Variants in ADAM15 observed in about 807,000 individuals in gnomAD.
ADAM15 encodes the protein ADAM metallopeptidase domain 15.
ADAM15 carries 77 observed loss-of-function variants against 113.8 expected under a neutral mutation model. The ratio of observed to expected loss-of-function variants is 0.68; its 90% CI spans 0.56 to 0.82. The LOEUF (loss-of-function observed/expected upper bound fraction) is 0.82. Among genes scored for constraint, ADAM15 ranks in the 40% least tolerant of loss-of-function variants. The pLI, the probability that ADAM15 is intolerant of heterozygous loss-of-function variation, is 0.00. For missense variants in ADAM15, 963 were observed against 1,120.1 expected (o/e 0.86, Z 2.00); for synonymous variants, 388 against 454.1 (o/e 0.85, Z 1.85).
rs201865223 is a variant in ADAM15, at chr1:155,057,631, C to G, written c.1324-6C>G. On this transcript the variant is annotated splice_region_variant and splice_polypyrimidine_tract_variant and intron_variant, in intron 12 of 22. Coordinates refer to ENST00000356955, the MANE Select transcript of ADAM15 (RefSeq NM_207197.3). This position sits in a 1 kb window ranked among gnomAD's most constrained non-coding sequence, Gnocchi z 5.0. ...TGATGCCCGGCCCCCGTGCTCCTGC[C>G]CACAGGACTGCGTCGATCCCTGCTG... 2.1e-4 allele frequency: 344 copies of G among 1,614,128 alleles called. 1 individual carries two copies. The highest frequency in any genetic ancestry group is 1.9e-3 in the African/African-American group (142 of 75,030).
At position 155,055,846 on chromosome 1, in the gene ADAM15, C is replaced by T. The variant is rs200539947; in HGVS notation, c.669C>T (p.His223=). 1.8e-5 allele frequency: 29 copies of T among 1,614,104 alleles called. No individual in the cohort carries two copies. The highest frequency in any genetic ancestry group is 2.4e-5 in the Non-Finnish European group (28 of 1,180,048). Residue 223 remains histidine, a synonymous_variant, in exon 7 of 23, where the codon CAC becomes CAT. Coordinates refer to ENST00000356955, the MANE Select transcript of ADAM15 (RefSeq NM_207197.3). ...TGGAGTTGGTGATTGTGGCTGATCA[C>T]TCGGAGGTGAGCCTGCTGGCCCCTG... ...KTVELVIVAD[H]SEAQKYRDFQ...
intron 2 of ADAM15, among the ~76,000 whole-genome samples, chr1:155,053,202 C>G (rs963900864): frequency 6.7e-6 from 1 of 148,612 alleles, no homozygotes; most frequent in Non-Finnish European, 1.5e-5. Flanking sequence ...GGCAGGAAGC[C>G]GAGAAGGGGT....
At chr1:155,061,728 C>T in intron 20 of ADAM15, 176 bp from the exon 21 acceptor site, 2 of 837,468 alleles carry the variant, frequency 2.4e-6, no homozygotes. Context: ...GGTTGACCTA[C>T]ACCTTCCTCC....
At position 155,062,519 on chromosome 1, in the gene ADAM15, G is replaced by A. The variant is rs546191993; in HGVS notation, c.*17G>A. On this transcript the variant is annotated 3_prime_UTR_variant, in exon 23 of 23. Coordinates refer to ENST00000356955, the MANE Select transcript of ADAM15 (RefSeq NM_207197.3). This position sits in a 1 kb window ranked among gnomAD's most constrained non-coding sequence, Gnocchi z 7.0. ...TACCTCTGACCTCTCCGGAGGTTCC[G>A]CTGCCTCCAAGCCGGACTTAGGGCT... 9 of 1,611,790 alleles carry A rather than the reference G, an allele frequency of 5.6e-6. No homozygotes were observed. Among genetic ancestry groups the A allele is most frequent in the Non-Finnish European group, 7.6e-6 (9 of 1,179,342 alleles).
At position 155,055,815 on chromosome 1, in the gene ADAM15, A is replaced by G; in HGVS notation, c.638A>G (p.Lys213Arg). The change falls in exon 7 of 23, where the codon AAG becomes AGG. Residue 213 changes from lysine to arginine, a missense_variant. Transcript: ENST00000356955. The stretch of plus-strand genomic sequence containing the variant: ...AGGCGGGATGTGGTAACAGAGACCA[A>G]GACTGTGGAGTTGGTGATTGTGGCT... Reference protein sequence around the residue: ...RRRRDVVTETKTVELVIVADH... With the variant: ...RRRRDVVTETRTVELVIVADH... The G allele has an allele frequency of 6.2e-7, 1 of 1,614,216 alleles. No individual in the cohort carries two copies. The highest frequency in any genetic ancestry group is 1.3e-5 in the African/African-American group (1 of 75,054).
Position 155,062,065 on chromosome 1 carries a change from G to A in ADAM15, c.2424+90G>A. 1 of 1,479,052 alleles carries A rather than the reference G, an allele frequency of 6.8e-7. No homozygotes were observed. The highest frequency in any genetic ancestry group is 9.0e-7 in the Non-Finnish European group (1 of 1,113,194). The allele number at this position is 1,479,052 out of a possible 1,614,324, so 91.6% of individuals were successfully genotyped here. A position where few individuals can be genotyped will look rare whatever the true frequency, so the allele number is the denominator to read the frequency against. On this transcript the variant is annotated intron_variant, in intron 21 of 22. Transcript: ENST00000356955. This position sits in a 1 kb window ranked among gnomAD's most constrained non-coding sequence, Gnocchi z 7.0. ...ATGACGGTGGTGGCCGTGGCGAGAT[G>A]CCCCCTCAGTGCATGAGGGCACATA... is the stretch of plus-strand genomic sequence containing the variant.
rs375695343 is a variant in ADAM15 at position 155,056,410 on chromosome 1, G to A, written c.939G>A (p.Thr313=). ...GTGGTACTTCATTCTCTGGGCCTAC[G>A]GTGGGCATGGCCATTCAGAACTCCA... ...LVTGTSFSGP[T]VGMAIQNSIC... The change falls in exon 10 of 23, where the codon ACG becomes ACA. Residue 313 remains threonine, a synonymous_variant. Transcript: ENST00000356955. This position sits in a 1 kb window ranked among gnomAD's most constrained non-coding sequence, Gnocchi z 4.0. 7.4e-6 allele frequency: 12 copies of A among 1,613,986 alleles called. No individual in the cohort carries two copies. Among genetic ancestry groups the A allele is most frequent in the East Asian group, 4.5e-5 (2 of 44,890 alleles).
chr1:155,060,096 T>C, intron 17 of ADAM15, 109 bp from the exon 18 acceptor site: 1 of 1,573,028 alleles, frequency 6.4e-7, no homozygotes, highest in Non-Finnish European at 8.7e-7. Flanking sequence ...CTGTGCCCCT[T>C]GAACCCTTCA....
chr1:155,061,044 G>A (rs1406837266), intron 19 of ADAM15: 9 of 596,586 alleles, frequency 1.5e-5, no homozygotes, highest in Non-Finnish European at 8.9e-6. Context: ...GCCAGCTGGA[G>A]CAGGAGCTGC....
At position 155,056,149 on chromosome 1, in the gene ADAM15, G is replaced by A. The variant is rs1661731495; in HGVS notation, c.814G>A (p.Glu272Lys). The A allele has an allele frequency of 7.4e-6, 12 of 1,613,958 alleles. No individual in the cohort carries two copies. The highest frequency in any genetic ancestry group is 7.6e-6 in the Non-Finnish European group (9 of 1,180,012). Residue 272 changes from glutamate to lysine, a missense_variant, in exon 9 of 23, where the codon GAG becomes AAG. Coordinates refer to ENST00000356955, the MANE Select transcript of ADAM15 (RefSeq NM_207197.3). The surrounding 1 kb of genome is among the most constrained non-coding windows in gnomAD (Gnocchi z 4.0). ...LEAWTQRDLVEISPNPAVTLE... is the reference protein window; with the variant it reads ...LEAWTQRDLVKISPNPAVTLE... The stretch of plus-strand genomic sequence containing the variant: ...GGCCTGGACCCAGCGTGACCTGGTG[G>A]AGATCAGCCCAAACCCAGCTGTCAC...
intron 16 of ADAM15, among the ~76,000 whole-genome samples, chr1:155,059,679 G>A (rs1231651992): frequency 6.6e-6 from 1 of 152,088 alleles, no homozygotes; most frequent in East Asian, 1.9e-4. Context: ...CAAACACAAA[G>A]AAAGAAAGCA....
In ADAM15 at chr1:155,062,022, G is replaced by A; in HGVS notation, c.2424+47G>A. 1 of 1,499,484 alleles carries A rather than the reference G, an allele frequency of 6.7e-7. No homozygotes were observed. 92.9% of individuals were successfully genotyped at this position (1,499,484 alleles called of 1,614,324 possible). A position where few individuals can be genotyped will look rare whatever the true frequency, so the allele number is the denominator to read the frequency against. On this transcript the variant is annotated intron_variant, in intron 21 of 22. Coordinates refer to ENST00000356955, the MANE Select transcript of ADAM15 (RefSeq NM_207197.3). This position sits in a 1 kb window ranked among gnomAD's most constrained non-coding sequence, Gnocchi z 7.0. ...GGCACGGCCTCTCCCCCCACCTAGGGCTGTGGTGCTGGTAGCCATGACGGT... is the reference window on the plus strand; with the variant it reads ...GGCACGGCCTCTCCCCCCACCTAGGACTGTGGTGCTGGTAGCCATGACGGT...
At chr1:155,051,532 A>G in intron 1 of ADAM15, 67 bp downstream of exon 1, 1 of 1,403,170 alleles carries the variant, frequency 7.1e-7, no homozygotes. Flanking sequence ...GTCGGAAGGC[A>G]TTAGGGTAAT....
At position 155,062,722 on chromosome 1, in the gene ADAM15, TC is replaced by T. The variant is rs1381777890; in HGVS notation, c.*222del. 7 of 604,484 alleles carry T rather than the reference TC, an allele frequency of 1.2e-5. No individual in the cohort carries two copies. Among genetic ancestry groups the T allele is most frequent in the African/African-American group, 1.9e-5 (1 of 53,710 alleles). 37.4% of individuals were successfully genotyped at this position (604,484 alleles called of 1,614,324 possible). The stretch of plus-strand genomic sequence containing the variant: ...GGGGGTTGGACGGGATTGAGGAAGG[TC>T]CGCACAGCCTGTCTCTGCTCAGTTG... On this transcript the variant is annotated 3_prime_UTR_variant, in exon 23 of 23. Coordinates refer to ENST00000356955, the MANE Select transcript of ADAM15 (RefSeq NM_207197.3). This position sits in a 1 kb window ranked among gnomAD's most constrained non-coding sequence, Gnocchi z 7.0.
intron 19 of ADAM15, 145 bp downstream of exon 19, chr1:155,060,977 C>A: frequency 1.3e-6 from 1 of 742,316 alleles, no homozygotes; most frequent in Non-Finnish European, 2.2e-6. Context: ...GCCAGCCCTG[C>A]CCTCCCCTCC....
At position 155,062,764 on chromosome 1, in the gene ADAM15, C is replaced by G. The variant is rs1051688020; in HGVS notation, c.*262C>G. On this transcript the variant is annotated 3_prime_UTR_variant, in exon 23 of 23. Coordinates refer to ENST00000356955, the MANE Select transcript of ADAM15 (RefSeq NM_207197.3). This position sits in a 1 kb window ranked among gnomAD's most constrained non-coding sequence, Gnocchi z 7.0. ...TGCTCAGTTGCAATAAACGTGACAT[C>G]TTGGGAGCGTTCCCCAGAGTTTGTC... 6 of 451,426 alleles carry G rather than the reference C, an allele frequency of 1.3e-5. No individual in the cohort carries two copies. The highest frequency in any genetic ancestry group is 2.4e-5 in the Non-Finnish European group (6 of 254,904). 28.0% of individuals were successfully genotyped at this position (451,426 alleles called of 1,614,324 possible). A position where few individuals can be genotyped will look rare whatever the true frequency, so the allele number is the denominator to read the frequency against.
At position 155,056,232 on chromosome 1, in the gene ADAM15, CAG is replaced by C. The variant is rs1199151863; in HGVS notation, c.898_899del (p.Ser300CysfsTer26). On this transcript the variant is annotated frameshift_variant, in exon 9 of 23. Coordinates refer to ENST00000356955, the MANE Select transcript of ADAM15 (RefSeq NM_207197.3). LOFTEE classifies it high-confidence loss of function. This position sits in a 1 kb window ranked among gnomAD's most constrained non-coding sequence, Gnocchi z 4.0. ...ATTTGCTGCCTCGATTGCCCCATGA[CAG>C]TGCCCAGCTGGTGACGTAAGGGCCC... ...AHLLPRLPHD[S>X]AQLVTGTSFS... 2 of 1,613,996 alleles carry C rather than the reference CAG, an allele frequency of 1.2e-6. No homozygotes were observed. The highest frequency in any genetic ancestry group is 1.3e-5 in the African/African-American group (1 of 75,042).
rs1388732087 is a variant in ADAM15 at position 155,056,932 on chromosome 1, A to C, written c.1000-21A>C. ...GGAGGCAGGCTGGGACTGGACCTAC[A>C]GTACCCCTCCCCAATGACAGGACCA... On this transcript the variant is annotated intron_variant, in intron 10 of 22. Coordinates refer to ENST00000356955, the MANE Select transcript of ADAM15 (RefSeq NM_207197.3). The surrounding 1 kb of genome is among the most constrained non-coding windows in gnomAD (Gnocchi z 4.0). 6.5e-7 allele frequency: 1 copy of C among 1,539,126 alleles called. No homozygotes were observed.
At position 155,059,934 on chromosome 1, in the gene ADAM15, G is replaced by A. The variant is rs1320412905; in HGVS notation, c.2028G>A (p.Glu676=). 1.2e-6 allele frequency: 2 copies of A among 1,614,092 alleles called. No individual in the cohort carries two copies. The highest frequency in any genetic ancestry group is 2.7e-5 in the African/African-American group (2 of 75,024). The change falls in exon 17 of 23, where the codon GAG becomes GAA. Residue 676 remains glutamate (E), a synonymous_variant. Transcript: ENST00000356955. ...ACAGCAACAGGCACTGCTACTGTGA[G>A]GAGGGCTGGGCACCCCCTGACTGCA... ...VCDSNRHCYC[E]EGWAPPDCTT...
Sources: allele counts gnomAD v4.1 joint callset (sites outside exome capture counted in the v4.1 genomes callset), GRCh38; gene constraint gnomAD v4.1.1; non-coding constraint Gnocchi (gnomAD v3.1); transcripts MANE v1.5; gene names NCBI Gene and HGNC (gene_info 2026-07-23, HGNC 2026-07-21).